Variants in WNT5B observed in about 807,000 individuals in gnomAD.
WNT5B encodes the protein protein Wnt-5b.
WNT5B carries 18 observed loss-of-function variants against 36.5 expected under a neutral mutation model. The observed-to-expected ratio is 0.49, with a 90% CI of 0.34 to 0.73. The LOEUF (loss-of-function observed/expected upper bound fraction) is 0.73. WNT5B is among the 30% of genes least tolerant of loss of function. The pLI, the probability that WNT5B is intolerant of heterozygous loss-of-function variation, is 0.01. For synonymous variants in WNT5B, 213 were observed against 212.3 expected (o/e 1.00, Z -0.03); for missense variants, 424 against 508.4 (o/e 0.83, Z 1.60).
Position 1,639,736 on chromosome 12 carries a change from C to T in WNT5B, c.381C>T (p.Asn127=), listed in dbSNP as rs532334050. 2 of 1,599,944 alleles carry T rather than the reference C, an allele frequency of 1.3e-6. No individual in the cohort carries two copies. The highest frequency in any genetic ancestry group is 1.1e-5 in the South Asian group (1 of 89,916). ...CGGTGAGCGCCGCGGGCGTGGTCAA[C>T]GCCATCAGCCGGGCCTGCCGCGAGG... ...THAVSAAGVV[N]AISRACREGE... The change falls in exon 4 of 5, where the codon AAC becomes AAT. Residue 127 remains asparagine, a synonymous_variant. Transcript: ENST00000397196.
rs1462443191 is a variant in WNT5B, at chr12:1,644,128, C to T, written c.622-1666C>T. ...AGTGCCAGACGCCTGTCATCCATCT[C>T]TAAGCCAAGGACCATTTCCAGAGGA... is the stretch of plus-strand genomic sequence containing the variant. On this transcript the variant is annotated intron_variant, in intron 4 of 4. Coordinates refer to ENST00000397196, the MANE Select transcript of WNT5B (RefSeq NM_032642.3). This position sits in a 1 kb window ranked among gnomAD's most constrained non-coding sequence, Gnocchi z 5.1. 6.6e-6 allele frequency among the ~76,000 whole-genome samples: 1 copy of T among 152,218 alleles called. No homozygotes were observed. Among genetic ancestry groups the T allele is most frequent in the Non-Finnish European group, 1.5e-5 (1 of 68,044 alleles).
chr12:1,641,104 G>A lies in WNT5B; in HGVS notation c.621+1128G>A, dbSNP rs557155977. Among the ~76,000 whole-genome samples the A allele has an allele frequency of 3.3e-5, 5 of 152,330 alleles. No individual in the cohort carries two copies. The South Asian group carries it at 6.2e-4, about 19-fold the overall frequency. ...AACTCACTCAAAAATGAGAATGGTG[G>A]CCGGGAGCAGTGGCTCATGCCTGTA... On this transcript the variant is annotated intron_variant, in intron 4 of 4. Transcript: ENST00000397196.
In WNT5B at chr12:1,631,385, G is replaced by C; in HGVS notation, c.31G>C (p.Ala11Pro). The part of the protein sequence containing the change: MPSLLLLFTA[A>P]LLSSWAQLLT... ...CAGCCTGCTGCTGCTGTTCACGGCT[G>C]CTCTGCTGTCCAGCTGGGCTCAGCT... Residue 11 changes from alanine (A) to proline (P), a missense_variant, in exon 2 of 5, where the codon GCT becomes CCT. Coordinates refer to ENST00000397196, the MANE Select transcript of WNT5B (RefSeq NM_032642.3). 6.2e-6 allele frequency: 10 copies of C among 1,614,204 alleles called. No homozygotes were observed. Among genetic ancestry groups the C allele is most frequent in the Non-Finnish European group, 7.6e-6 (9 of 1,180,046 alleles).
At chr12:1,620,039 T>C (rs1451441360) in intron 1 of WNT5B, among the ~76,000 whole-genome samples, 1 of 152,262 alleles carries the variant, frequency 6.6e-6, no homozygotes, top group Non-Finnish European at 1.5e-5. Flanking sequence ...ATATGACTTT[T>C]TTATTTTTAA....
intron 1 of WNT5B, among the ~76,000 whole-genome samples, chr12:1,621,333 A>T (rs922822631): frequency 1.3e-5 from 2 of 152,152 alleles, no homozygotes; most frequent in Non-Finnish European, 2.9e-5. Flanking sequence ...GTGTGTAATC[A>T]ATCAGCATTT....
At chr12:1,640,991 G>A (rs2094574110) in intron 4 of WNT5B, among the ~76,000 whole-genome samples, 1 of 152,216 alleles carries the variant, frequency 6.6e-6, no homozygotes, top group African/African-American at 2.4e-5. Flanking sequence ...GAAACAGCAC[G>A]GACTTCTTTC....
upstream of WNT5B, among the ~76,000 whole-genome samples, chr12:1,624,399 A>G (rs2094538337): frequency 6.8e-6 from 1 of 146,052 alleles, no homozygotes; most frequent in Admixed American, 6.6e-5. Context: ...AAAAAAAAAA[A>G]AAGAGAAAGC....
At chr12:1,622,255 C>T (rs906326614) in intron 1 of WNT5B, among the ~76,000 whole-genome samples, 8 of 151,966 alleles carry the variant, frequency 5.3e-5, no homozygotes, top group Non-Finnish European at 1.2e-4. Context: ...GGACTACAGG[C>T]GCCCGCCACC....
At chr12:1,640,068 A>G (rs2094571951) in intron 4 of WNT5B, 92 bp downstream of exon 4, 4 of 1,443,088 alleles carry the variant, frequency 2.8e-6, no homozygotes, top group African/African-American at 1.5e-5. Flanking sequence ...CTTCAAGGAA[A>G]CGGGTTAGTC....
At position 1,644,591 on chromosome 12, in the gene WNT5B, G is replaced by T. The variant is rs115204220; in HGVS notation, c.622-1203G>T. Among the ~76,000 whole-genome samples, 14 of 152,298 alleles carry T rather than the reference G, an allele frequency of 9.2e-5. No individual in the cohort carries two copies. The highest frequency in any genetic ancestry group is 3.4e-4 in the African/African-American group (14 of 41,572). On this transcript the variant is annotated intron_variant, in intron 4 of 4. Transcript: ENST00000397196. This position sits in a 1 kb window ranked among gnomAD's most constrained non-coding sequence, Gnocchi z 5.1. ...GACACAATCTGGGGGCTCTTGAAAA[G>T]AAATCTAAGAGAAACCCTTGAAAAA...
intron 3 of WNT5B, among the ~76,000 whole-genome samples, chr12:1,637,196 T>G (rs545851622): frequency 1.3e-5 from 2 of 152,288 alleles, no homozygotes; most frequent in African/African-American, 4.8e-5. Flanking sequence ...AATACCACAT[T>G]TTGATTACCC....
intron 3 of WNT5B, among the ~76,000 whole-genome samples, chr12:1,636,573 C>A (rs1330700510): frequency 7.8e-6 from 1 of 127,804 alleles, no homozygotes; most frequent in East Asian, 2.3e-4. Flanking sequence ...CAGGGTCTTA[C>A]TCTGCTCCCC....
At chr12:1,645,187 C>G (rs1485273076) in intron 4 of WNT5B, 1 of 152,314 alleles carries the variant, frequency 6.6e-6, no homozygotes, top group Non-Finnish European at 1.5e-5. Flanking sequence ...ATTCTTTTTT[C>G]TGACTTGTGC....
In WNT5B at chr12:1,632,798, A is replaced by G. The variant is rs1269807640; in HGVS notation, c.221A>G (p.Glu74Gly). 1 of 1,613,970 alleles carries G rather than the reference A, an allele frequency of 6.2e-7. No homozygotes were observed. Among genetic ancestry groups the G allele is most frequent in the Non-Finnish European group, 8.5e-7 (1 of 1,180,002 alleles). ...LYQEHMAYIG[E>G]GAKTGIKECQ... ...CAGGAGCACATGGCCTACATAGGGG[A>G]GGGAGCCAAGACTGGCATCAAGGAA... is the stretch of plus-strand genomic sequence containing the variant. The change falls in exon 3 of 5, where the codon GAG becomes GGG. Residue 74 changes from glutamate (E) to glycine (G), a missense_variant. Transcript: ENST00000397196. The surrounding 1 kb of genome is among the most constrained non-coding windows in gnomAD (Gnocchi z 5.8).
In WNT5B at chr12:1,639,967, C is replaced by A; in HGVS notation, c.612C>A (p.Ala204=). The A allele has an allele frequency of 6.2e-7, 1 of 1,612,070 alleles. No homozygotes were observed. The highest frequency in any genetic ancestry group is 8.5e-7 in the Non-Finnish European group (1 of 1,179,256). ...RVLMNLQNNE[A]GRRAVYKMAD... is the part of the protein sequence containing the mutation. Reference sequence around the variant, plus strand: ...TCATGAACCTGCAAAACAACGAGGCCGGTCGCAGGGTAAGCTGGGCCTCCC... The same window carrying A: ...TCATGAACCTGCAAAACAACGAGGCAGGTCGCAGGGTAAGCTGGGCCTCCC... Residue 204 remains alanine, a synonymous_variant, in exon 4 of 5, where the codon GCC becomes GCA. Coordinates refer to ENST00000397196, the MANE Select transcript of WNT5B (RefSeq NM_032642.3).
chr12:1,626,996 A>T (rs1441912661), upstream of WNT5B, among the ~76,000 whole-genome samples: 1 of 152,164 alleles, frequency 6.6e-6, no homozygotes, highest in African/African-American at 2.4e-5. Flanking sequence ...TATCCTATCC[A>T]CTGGGGAGAA....
chr12:1,632,338 C>A lies in WNT5B; in HGVS notation c.81-320C>A, dbSNP rs933122002. ...CTGCCTGACCCCCATTCTTAAGATC[C>A]AGTTCAAATTCTGGCCATTTCCTTA... On this transcript the variant is annotated intron_variant, in intron 2 of 4. Coordinates refer to ENST00000397196, the MANE Select transcript of WNT5B (RefSeq NM_032642.3). This position sits in a 1 kb window ranked among gnomAD's most constrained non-coding sequence, Gnocchi z 5.8. Among the ~76,000 whole-genome samples, 1 of 152,154 alleles carries A rather than the reference C, an allele frequency of 6.6e-6. No homozygotes were observed. Among genetic ancestry groups the A allele is most frequent in the Non-Finnish European group, 1.5e-5 (1 of 68,032 alleles).
At chr12:1,623,477 G>A (rs1245093606) in intron 1 of WNT5B, among the ~76,000 whole-genome samples, 3 of 152,114 alleles carry the variant, frequency 2.0e-5, no homozygotes, top group Non-Finnish European at 4.4e-5. Context: ...TTACAGGCTT[G>A]AGCCACCGCG....
At chr12:1,625,310 T>C (rs917069916), upstream of WNT5B, among the ~76,000 whole-genome samples, 1 of 152,206 alleles carries the variant, frequency 6.6e-6, no homozygotes, top group African/African-American at 2.4e-5. Flanking sequence ...GGTGTTCAGA[T>C]GCCAGAAGGG....
Sources: gnomAD v4.1 joint callset for allele counts (sites outside exome capture counted in the v4.1 genomes callset) on GRCh38, gnomAD v4.1.1 for gene constraint, Gnocchi (gnomAD v3.1) non-coding constraint, MANE v1.5 for transcripts, NCBI Gene and HGNC (gene_info 2026-07-23, HGNC 2026-07-21) for gene names.